RBFOX3: variants seen among roughly 807,000 people sequenced by gnomAD.
The protein encoded by RBFOX3 is RNA binding fox-1 homolog 3, also known as RNA binding protein fox-1 homolog 3.
In RBFOX3, 17 loss-of-function variants were observed where a neutral mutation model predicts 48.7. The ratio of observed to expected loss-of-function variants is 0.35; its 90% CI spans 0.24 to 0.52. RBFOX3 has a LOEUF of 0.52. Among genes scored for constraint, RBFOX3 ranks in the 20% least tolerant of loss-of-function variants. The pLI is 0.94. For missense variants in RBFOX3, 382 were observed against 497.5 expected (o/e 0.77, Z 2.21); for synonymous variants, 212 against 209.5 (o/e 1.01, Z -0.10).
In RBFOX3 at chr17:79,383,270, C is replaced by G. The variant is rs549950837; in HGVS notation, c.-174-75446G>C. Among the ~76,000 whole-genome samples the G allele has an allele frequency of 4.0e-3, 606 of 152,362 alleles. 2 individuals carry two copies. Among genetic ancestry groups the G allele is most frequent in the Non-Finnish European group, 7.1e-3 (481 of 68,036 alleles). ...CCTTCACCCAGGTTGTCCGGCCTCTCCCCAGGACAGGCTGTTGTCTAGAGG... is the reference window on the plus strand; with the variant it reads ...CCTTCACCCAGGTTGTCCGGCCTCTGCCCAGGACAGGCTGTTGTCTAGAGG... On this transcript the variant is annotated intron_variant, in intron 2 of 14. Transcript: ENST00000693108.
At position 79,364,358 on chromosome 17, in the gene RBFOX3, G is replaced by A. The variant is rs1032818982; in HGVS notation, c.-174-56534C>T. 2.6e-5 allele frequency among the ~76,000 whole-genome samples: 4 copies of A among 152,210 alleles called. No homozygotes were observed. Among genetic ancestry groups the A allele is most frequent in the African/African-American group, 7.2e-5 (3 of 41,454 alleles). ...GACTTGCAGTCTATAGAAGACACAC[G>A]CTTGGGTGTTCCTTGAATGACGGGG... On this transcript the variant is annotated intron_variant, in intron 2 of 14. Coordinates refer to ENST00000693108, the MANE Select transcript of RBFOX3 (RefSeq NM_001350451.2). This position sits in a 1 kb window ranked among gnomAD's most constrained non-coding sequence, Gnocchi z 5.1.
At chr17:79,492,735 A>T (rs2080871954) in intron 1 of RBFOX3, among the ~76,000 whole-genome samples, 1 of 152,252 alleles carries the variant, frequency 6.6e-6, no homozygotes, top group Admixed American at 6.5e-5. Context: ...AATAGATAAC[A>T]TAGGGATTAC....
chr17:79,150,281 C>A (rs1337719789), intron 4 of RBFOX3, among the ~76,000 whole-genome samples: 2 of 151,984 alleles, frequency 1.3e-5, no homozygotes, highest in African/African-American at 4.8e-5. Flanking sequence ...CTGGCTGGGG[C>A]CCAGGCCACT....
At chr17:79,438,854 C>T (rs1237641681) in intron 2 of RBFOX3, among the ~76,000 whole-genome samples, 1 of 152,250 alleles carries the variant, frequency 6.6e-6, no homozygotes, top group African/African-American at 2.4e-5. Context: ...TGCCTCAGAA[C>T]TGGTCCATGG....
chr17:79,351,298 G>A (rs532521438), intron 2 of RBFOX3, among the ~76,000 whole-genome samples: 4 of 152,190 alleles, frequency 2.6e-5, no homozygotes, highest in African/African-American at 9.7e-5. Context: ...TGGGCCACAG[G>A]GTAGGGCTCT....
chr17:79,516,050 G>A (rs1375934605), intron 1 of RBFOX3: 3 of 152,298 alleles, frequency 2.0e-5, no homozygotes, highest in Non-Finnish European at 4.4e-5. Context: ...GGCCAACAGA[G>A]AGAGAGGAGA....
At chr17:79,092,587 G>A in intron 14 of RBFOX3, 1 of 987,780 alleles carries the variant, frequency 1.0e-6, no homozygotes, top group Non-Finnish European at 1.2e-6. Flanking sequence ...GTTAGGGGCT[G>A]GGTCTCTTGC....
intron 4 of RBFOX3, among the ~76,000 whole-genome samples, chr17:79,126,964 G>A (rs1239980806): frequency 6.6e-6 from 1 of 152,132 alleles, no homozygotes; most frequent in Non-Finnish European, 1.5e-5. Flanking sequence ...CTCCAAGAAC[G>A]CACAGAATCC....
chr17:79,311,076 C>T lies in RBFOX3; in HGVS notation c.-174-3252G>A, dbSNP rs184071970. ...ATCCAGTCAGTCGAAAGGCTTCATCCGGTCAGTTAAAAGGCCTTAACAGCA... is the reference window on the plus strand; with the variant it reads ...ATCCAGTCAGTCGAAAGGCTTCATCTGGTCAGTTAAAAGGCCTTAACAGCA... On this transcript the variant is annotated intron_variant, in intron 2 of 14. Transcript: ENST00000693108. The surrounding 1 kb of genome is among the most constrained non-coding windows in gnomAD (Gnocchi z 4.2). Among the ~76,000 whole-genome samples the T allele has an allele frequency of 6.5e-3, 982 of 152,234 alleles. 5 individuals are homozygous for T. The highest frequency in any genetic ancestry group is 0.017 in the Middle Eastern group (5 of 294).
chr17:79,378,866 G>A (rs964054762), intron 2 of RBFOX3, among the ~76,000 whole-genome samples: 5 of 152,216 alleles, frequency 3.3e-5, no homozygotes, highest in East Asian at 1.9e-4. Context: ...CTCCACAGCC[G>A]CACAGTGGGT....
At chr17:79,124,997 G>A (rs2036802834) in intron 4 of RBFOX3, among the ~76,000 whole-genome samples, 1 of 152,230 alleles carries the variant, frequency 6.6e-6, no homozygotes, top group Non-Finnish European at 1.5e-5. Flanking sequence ...TCCGGGCCTG[G>A]CGTGGTGATG....
chr17:79,610,300 G>A (rs2093942575), intron 1 of RBFOX3, among the ~76,000 whole-genome samples: 1 of 151,970 alleles, frequency 6.6e-6, no homozygotes, highest in African/African-American at 2.4e-5. Context: ...GACGCACGTT[G>A]CACCACCGCC....
chr17:79,188,109 C>G (rs1333796353), intron 4 of RBFOX3, among the ~76,000 whole-genome samples: 2 of 152,230 alleles, frequency 1.3e-5, no homozygotes, highest in Admixed American at 1.3e-4. Flanking sequence ...GATGAGCCGT[C>G]GGTGCAGCCC....
At chr17:79,641,910 T>TC in the RBFOX3 span, among the ~76,000 whole-genome samples, 2 of 152,054 alleles carry the variant, frequency 1.3e-5, no homozygotes, top group South Asian at 2.1e-4. Flanking sequence ...AAGTGCTAGC[T>TC]CCCCCTGCAC....
intron 2 of RBFOX3, among the ~76,000 whole-genome samples, chr17:79,372,756 T>G (rs12952865): frequency 0.44 from 67,190 of 152,046 alleles, 15,478 homozygotes; most frequent in Middle Eastern, 0.54. Flanking sequence ...GGGCAGGGAC[T>G]GTTGCCCACC....
At chr17:79,097,106 G>A (rs1014341891) in intron 11 of RBFOX3, among the ~76,000 whole-genome samples, 186 bp downstream of exon 11, 2 of 152,060 alleles carry the variant, frequency 1.3e-5, no homozygotes, top group South Asian at 2.1e-4. Flanking sequence ...GATGCCCGCC[G>A]TGGTGGGGAT....
chr17:79,339,165 C>T (rs182736826), intron 2 of RBFOX3, among the ~76,000 whole-genome samples: 61 of 152,230 alleles, frequency 4.0e-4, no homozygotes, highest in Non-Finnish European at 7.4e-4. Context: ...AGCAATCCTC[C>T]CGCCTCAGCC....
At chr17:79,631,794 A>G in the RBFOX3 span, among the ~76,000 whole-genome samples, 2 of 152,344 alleles carry the variant, frequency 1.3e-5, no homozygotes, top group East Asian at 1.9e-4. Context: ...GGACACAGGC[A>G]GACCCAGCCA....
chr17:79,585,793 T>A (rs1416617646), intron 1 of RBFOX3, among the ~76,000 whole-genome samples: 1 of 152,054 alleles, frequency 6.6e-6, no homozygotes, highest in Admixed American at 6.5e-5. Flanking sequence ...GGTGGACAGA[T>A]GAGCCTGATG....
Sources: gnomAD v4.1 joint callset for allele counts (sites outside exome capture counted in the v4.1 genomes callset) on GRCh38, gnomAD v4.1.1 for gene constraint, Gnocchi (gnomAD v3.1) non-coding constraint, MANE v1.5 for transcripts, NCBI Gene and HGNC (gene_info 2026-07-23, HGNC 2026-07-21) for gene names.